The following ENOX1 variants were observed in gnomAD, a reference collection of about 807,000 sequenced individuals.
ENOX1 encodes ecto-NOX disulfide-thiol exchanger 1, also known as candidate growth-related and time keeping constitutive hydroquinone (NADH) oxidase.
In ENOX1, 42 loss-of-function variants were observed where a neutral mutation model predicts 82.5. The ratio of observed to expected loss-of-function variants is 0.51; its 90% CI spans 0.40 to 0.66. The LOEUF (loss-of-function observed/expected upper bound fraction) is 0.66, where lower values mean the gene tolerates loss of function less well. ENOX1 is among the 30% of genes least tolerant of loss of function. The probability of loss-of-function intolerance (pLI) is 0.00; values close to 1 mark genes in which losing one functional copy is unlikely to be tolerated. For synonymous variants in ENOX1, 271 were observed against 282.2 expected (o/e 0.96, Z 0.40); for missense variants, 608 against 811.6 (o/e 0.75, Z 3.05).
In ENOX1 at chr13:43,344,532, A is replaced by T. The variant is rs2049260787; in HGVS notation, c.1036+6T>A. 2 of 1,607,434 alleles carry T rather than the reference A, an allele frequency of 1.2e-6. No individual in the cohort carries two copies. The highest frequency in any genetic ancestry group is 1.7e-6 in the Non-Finnish European group (2 of 1,177,176). On this transcript the variant is annotated splice_donor_region_variant and intron_variant, in intron 9 of 16. Transcript: ENST00000690772. ...CAAAAGAGATGGCCCCCAAAATTTT[A>T]CTTACATTGAGTGAGAATCCCAGTT...
chr13:43,338,744 GGC>G (rs2048874149), intron 9 of ENOX1, among the ~76,000 whole-genome samples: 1 of 138,290 alleles, frequency 7.2e-6, no homozygotes, highest in Non-Finnish European at 1.5e-5. Flanking sequence ...GGAGTGCAGT[GGC>G]GCCATCTCGG....
chr13:43,265,531 T>G, intron 13 of ENOX1, 77 bp from the exon 14 acceptor site: 2 of 1,218,802 alleles, frequency 1.6e-6, no homozygotes, highest in Non-Finnish European at 2.4e-6. Context: ...ATCATCTTGT[T>G]AACTGATTTA....
chr13:43,236,893 AG>A (rs2042578373), intron 14 of ENOX1, among the ~76,000 whole-genome samples, 155 bp from the exon 15 acceptor site: 1 of 152,232 alleles, frequency 6.6e-6, no homozygotes, highest in Non-Finnish European at 1.5e-5. Flanking sequence ...TATTTGCCCA[AG>A]AGTAGAAAAG....
intron 2 of ENOX1, among the ~76,000 whole-genome samples, chr13:43,499,218 T>C (rs1044040569): frequency 3.9e-5 from 6 of 152,018 alleles, no homozygotes; most frequent in African/African-American, 9.7e-5. Context: ...TAAAGAAATA[T>C]GATCTCTGTG....
At chr13:43,321,514 A>AT (rs1268296929) in intron 11 of ENOX1, among the ~76,000 whole-genome samples, 6 of 152,240 alleles carry the variant, frequency 3.9e-5, no homozygotes, top group African/African-American at 1.4e-4. Flanking sequence ...TAGAATCTTG[A>AT]TTTTGGTTTC....
chr13:43,503,825 G>A (rs1464608899), intron 2 of ENOX1, among the ~76,000 whole-genome samples: 13 of 151,662 alleles, frequency 8.6e-5, no homozygotes, highest in African/African-American at 3.1e-4. Flanking sequence ...CAGGCAACAA[G>A]AGCAAGCAAT....
intron 12 of ENOX1, among the ~76,000 whole-genome samples, chr13:43,292,536 C>A (rs1437778463): frequency 1.3e-5 from 2 of 152,054 alleles, no homozygotes; most frequent in Non-Finnish European, 2.9e-5. Context: ...TTGCTCAGTT[C>A]TCTGGAGCAC....
At chr13:43,226,049 A>G (rs570761147) in intron 15 of ENOX1, among the ~76,000 whole-genome samples, 5 of 152,254 alleles carry the variant, frequency 3.3e-5, no homozygotes, top group Admixed American at 1.3e-4. Flanking sequence ...GTACTCAGGG[A>G]GCATTGTGTT....
At chr13:43,496,718 A>T (rs2076809040) in intron 2 of ENOX1, among the ~76,000 whole-genome samples, 1 of 152,116 alleles carries the variant, frequency 6.6e-6, no homozygotes, top group African/African-American at 2.4e-5. Context: ...ATATGTAACA[A>T]AATTGCTTTG....
At chr13:43,313,680 T>C (rs777788332) in intron 11 of ENOX1, among the ~76,000 whole-genome samples, 5 of 152,224 alleles carry the variant, frequency 3.3e-5, no homozygotes, top group Non-Finnish European at 7.3e-5. Flanking sequence ...CTAACATAAA[T>C]TGTGAATATA....
chr13:43,755,551 T>C (rs890318719), intron 1 of ENOX1, among the ~76,000 whole-genome samples: 9 of 152,160 alleles, frequency 5.9e-5, no homozygotes, highest in Non-Finnish European at 1.2e-4. Context: ...ATCTTTAATG[T>C]TTTTACAATT....
chr13:43,759,100 T>TA (rs1182088849), intron 1 of ENOX1, among the ~76,000 whole-genome samples: 2 of 144,574 alleles, frequency 1.4e-5, no homozygotes, highest in Non-Finnish European at 3.0e-5. Context: ...TAAGTTTCTT[T>TA]TTTTTTTTTT....
chr13:43,433,930 C>A (rs562135971), intron 3 of ENOX1, among the ~76,000 whole-genome samples: 18 of 152,236 alleles, frequency 1.2e-4, no homozygotes, highest in East Asian at 3.9e-4. Flanking sequence ...AGGACACAGG[C>A]CTGAAGCTAG....
At chr13:43,657,952 GT>G (rs1448674432) in intron 2 of ENOX1, among the ~76,000 whole-genome samples, 1 of 152,166 alleles carries the variant, frequency 6.6e-6, no homozygotes, top group Non-Finnish European at 1.5e-5. Context: ...AACTATTAAT[GT>G]TTTTAAAGAT....
chr13:43,476,985 C>T (rs1389230683), intron 3 of ENOX1, among the ~76,000 whole-genome samples: 1 of 151,366 alleles, frequency 6.6e-6, no homozygotes, highest in Admixed American at 6.6e-5. Context: ...TTGTGGAAAA[C>T]TATACAACAA....
intron 5 of ENOX1, among the ~76,000 whole-genome samples, chr13:43,400,411 TA>T (rs2053428696): frequency 1.3e-5 from 2 of 152,246 alleles, no homozygotes; most frequent in Non-Finnish European, 2.9e-5. Flanking sequence ...ATGCAGGATG[TA>T]CATAGGTTGA....
chr13:43,308,517 G>A (rs2046998342), intron 11 of ENOX1, among the ~76,000 whole-genome samples: 1 of 152,114 alleles, frequency 6.6e-6, no homozygotes, highest in Non-Finnish European at 1.5e-5. Flanking sequence ...TGCATTTCTG[G>A]TGAGTATAAT....
At chr13:43,590,660 C>T (rs2081204375) in intron 2 of ENOX1, among the ~76,000 whole-genome samples, 1 of 150,954 alleles carries the variant, frequency 6.6e-6, no homozygotes, top group African/African-American at 2.4e-5. Flanking sequence ...CCTGTAGTCC[C>T]AACTACTCGG....
chr13:43,763,745 G>T (rs4399449), intron 1 of ENOX1, among the ~76,000 whole-genome samples: 48,044 of 152,026 alleles, frequency 0.32, 8,048 homozygotes, highest in East Asian at 0.5. Flanking sequence ...TTCCATAGCA[G>T]TTGATTGACA....
Sources: gnomAD v4.1 joint callset for allele counts (sites outside exome capture counted in the v4.1 genomes callset) on GRCh38, gnomAD v4.1.1 for gene constraint, MANE v1.5 for transcripts, NCBI Gene and HGNC (gene_info 2026-07-23, HGNC 2026-07-21) for gene names.